Variants in THSD4 observed in about 807,000 individuals in gnomAD.
The protein encoded by THSD4 is thrombospondin type-1 domain-containing protein 4.
A neutral mutation model predicts 119.0 loss-of-function variants in THSD4; 69 were observed. The observed-to-expected ratio is 0.58, with a 90% CI of 0.48 to 0.71. The LOEUF is 0.71. THSD4 is among the 30% of genes least tolerant of loss of function. The probability of loss-of-function intolerance (pLI) is 0.00; values close to 1 mark genes in which losing one functional copy is unlikely to be tolerated. For missense variants in THSD4, 1,393 were observed against 1,391.1 expected (o/e 1.00, Z -0.02); for synonymous variants, 524 against 540.4 (o/e 0.97, Z 0.42).
At chr15:71,583,397 T>C (rs561393054) in intron 7 of THSD4, among the ~76,000 whole-genome samples, 2 of 152,028 alleles carry the variant, frequency 1.3e-5, no homozygotes, top group Non-Finnish European at 2.9e-5. Context: ...TTTCTAGTTT[T>C]ATTTCATTTA....
intron 7 of THSD4, among the ~76,000 whole-genome samples, chr15:71,426,143 C>T (rs754553176): frequency 2.4e-4 from 36 of 152,212 alleles, no homozygotes; most frequent in Non-Finnish European, 4.4e-4. Flanking sequence ...GCGTTTCCTG[C>T]GGCTCTGCCA....
At chr15:71,446,218 GTTC>G (rs898155546) in intron 7 of THSD4, among the ~76,000 whole-genome samples, 2 of 152,134 alleles carry the variant, frequency 1.3e-5, no homozygotes, top group Non-Finnish European at 2.9e-5. Flanking sequence ...TTTGTTCTTT[GTTC>G]TTCTTCCCGC....
intron 7 of THSD4, among the ~76,000 whole-genome samples, chr15:71,629,786 G>A (rs28491654): frequency 6.6e-6 from 1 of 152,054 alleles, no homozygotes; most frequent in Non-Finnish European, 1.5e-5. Context: ...CATCCTATAT[G>A]TAGCTGATAG....
chr15:71,462,405 C>T (rs960442890), intron 7 of THSD4, among the ~76,000 whole-genome samples: 2 of 152,208 alleles, frequency 1.3e-5, no homozygotes, highest in Non-Finnish European at 2.9e-5. Flanking sequence ...GATCCTCCTG[C>T]ACCACCCAAA....
chr15:71,580,292 G>A (rs1174390787), intron 7 of THSD4, among the ~76,000 whole-genome samples: 1 of 152,070 alleles, frequency 6.6e-6, no homozygotes, highest in Admixed American at 6.6e-5. Context: ...TCCTTAAATG[G>A]CAGACTCTAA....
chr15:71,612,528 G>A (rs923137505), intron 7 of THSD4, among the ~76,000 whole-genome samples: 3 of 152,210 alleles, frequency 2.0e-5, no homozygotes, highest in African/African-American at 7.2e-5. Flanking sequence ...ACACTGTTAG[G>A]CTGTTTTCTG....
chr15:71,196,191 T>C (rs1567153585), intron 3 of THSD4, among the ~76,000 whole-genome samples: 1 of 152,076 alleles, frequency 6.6e-6, no homozygotes, highest in Non-Finnish European at 1.5e-5. Context: ...TTTAATCCCA[T>C]TCATGAGGGA....
At chr15:71,305,763 A>G (rs751866896) in intron 6 of THSD4, among the ~76,000 whole-genome samples, 1 of 152,080 alleles carries the variant, frequency 6.6e-6, no homozygotes, top group Non-Finnish European at 1.5e-5. Context: ...TTTGTTCTTA[A>G]TAGTAGAATG....
At chr15:71,608,249 T>TATACACAC (rs772729777) in intron 7 of THSD4, among the ~76,000 whole-genome samples, 19,082 of 105,828 alleles carry the variant, frequency 0.18, 2,282 homozygotes, top group Non-Finnish European at 0.24. Flanking sequence ...TATATATATA[T>TATACACAC]ACACACACAC....
At chr15:71,213,311 G>A (rs1300768688) in intron 3 of THSD4, among the ~76,000 whole-genome samples, 4 of 152,116 alleles carry the variant, frequency 2.6e-5, no homozygotes, top group Non-Finnish European at 5.9e-5. Flanking sequence ...TTGGATTTAG[G>A]GTCCACCTGG....
chr15:71,116,568 T>C (rs1436329055), intron 1 of THSD4, among the ~76,000 whole-genome samples: 4 of 152,192 alleles, frequency 2.6e-5, no homozygotes, highest in Non-Finnish European at 5.9e-5. Context: ...TCTTCCTGTC[T>C]CCTTTGCGAT....
At chr15:71,690,341 C>T (rs1203279173) in intron 8 of THSD4, among the ~76,000 whole-genome samples, 2 of 152,200 alleles carry the variant, frequency 1.3e-5, no homozygotes, top group African/African-American at 4.8e-5. Context: ...CATGCAGCTG[C>T]AGCTGCCACT....
chr15:71,534,493 T>C (rs902913790), intron 7 of THSD4, among the ~76,000 whole-genome samples: 2 of 152,246 alleles, frequency 1.3e-5, no homozygotes, highest in Non-Finnish European at 2.9e-5. Flanking sequence ...CTATTCATGG[T>C]CATTCCCATT....
At chr15:71,400,826 C>G (rs538106049) in intron 6 of THSD4, among the ~76,000 whole-genome samples, 19 of 141,738 alleles carry the variant, frequency 1.3e-4, no homozygotes, top group Admixed American at 1.3e-3. Flanking sequence ...GTATATTCCA[C>G]AAAAAAAGAA....
intron 8 of THSD4, among the ~76,000 whole-genome samples, chr15:71,669,597 G>C (rs2051482536): frequency 6.6e-6 from 1 of 151,888 alleles, no homozygotes; most frequent in African/African-American, 2.4e-5. Flanking sequence ...ATTAAAACTT[G>C]CCCGTTTTGT....
intron 8 of THSD4, among the ~76,000 whole-genome samples, chr15:71,696,968 A>G (rs2052177836): frequency 6.6e-6 from 1 of 152,220 alleles, no homozygotes; most frequent in South Asian, 2.1e-4. Flanking sequence ...TGTACAGGAC[A>G]GTCACAAGCC....
chr15:71,496,556 G>C (rs556555880), intron 7 of THSD4, among the ~76,000 whole-genome samples: 2 of 152,184 alleles, frequency 1.3e-5, no homozygotes, highest in African/African-American at 4.8e-5. Context: ...CAGGCAGCAA[G>C]GTAAAGAAAG....
At chr15:71,594,867 C>G (rs117450846) in intron 7 of THSD4, among the ~76,000 whole-genome samples, 1 of 151,952 alleles carries the variant, frequency 6.6e-6, no homozygotes, top group Non-Finnish European at 1.5e-5. Flanking sequence ...AGCTCGGGAG[C>G]GGAAATAAGT....
rs546390353 is a variant in THSD4 at position 71,727,637 on chromosome 15, G to T, written c.1358-912G>T. Among the ~76,000 whole-genome samples, 29 of 139,992 alleles carry T rather than the reference G, an allele frequency of 2.1e-4. 1 individual carries two copies. The South Asian group carries it at 6.4e-3, about 31-fold the overall frequency. The allele number at this position is 139,992 out of a possible 152,430, so 91.8% of individuals were successfully genotyped here. A position where few individuals can be genotyped will look rare whatever the true frequency, so the allele number is the denominator to read the frequency against. ...ACACACACACAAGCCAGGCATGGTG[G>T]TACATGCCTATAGTCCCAGCTACTC... On this transcript the variant is annotated intron_variant, in intron 8 of 17. Transcript: ENST00000261862.
Sources: gnomAD v4.1 joint callset for allele counts (sites outside exome capture counted in the v4.1 genomes callset) on GRCh38, gnomAD v4.1.1 for gene constraint, MANE v1.5 for transcripts, NCBI Gene and HGNC (gene_info 2026-07-23, HGNC 2026-07-21) for gene names.